The following SLC22A24 variants were observed in gnomAD, a reference collection of about 807,000 sequenced individuals.
SLC22A24 encodes the protein solute carrier family 22 member 24, also known as steroid transmembrane transporter SLC22A24.
SLC22A24 carries 53 observed loss-of-function variants against 49.8 expected under a neutral mutation model. The ratio of observed to expected loss-of-function variants is 1.06; its 90% CI spans 0.85 to 1.34. SLC22A24 has a LOEUF of 1.34. Among genes scored for constraint, SLC22A24 ranks in the 40% most tolerant of loss-of-function variants. The pLI, the probability that SLC22A24 is intolerant of heterozygous loss-of-function variation, is 0.00. For synonymous variants in SLC22A24, 302 were observed against 256.4 expected, an observed-to-expected ratio of 1.18 and a Z score of -1.70; for missense variants, 786 against 675.9, an observed-to-expected ratio of 1.16 and a Z score of -1.81.
At position 63,142,357 on chromosome 11, in the gene SLC22A24, C is replaced by T. The variant is rs151219408; in HGVS notation, c.402+1021G>A. On this transcript the variant is annotated intron_variant, in intron 1 of 9. Coordinates refer to ENST00000612278, the MANE Select transcript of SLC22A24 (RefSeq NM_001136506.2). ...AACCCAAAGGGAGGGATTGAAACTG[C>T]CTTTGCAAAATTATGACTGAGACCG... Among the ~76,000 whole-genome samples, 878 of 152,268 alleles carry T rather than the reference C, an allele frequency of 5.8e-3. 4 individuals are homozygous for T. Among genetic ancestry groups the T allele is most frequent in the South Asian group, 0.011 (51 of 4,826 alleles).
At chr11:63,130,249 A>G (rs1397501398) in intron 2 of SLC22A24, among the ~76,000 whole-genome samples, 2 of 152,080 alleles carry the variant, frequency 1.3e-5, no homozygotes, top group Non-Finnish European at 2.9e-5. Flanking sequence ...GGTTTTTGTC[A>G]TTGGTTCTGT....
intron 1 of SLC22A24, among the ~76,000 whole-genome samples, chr11:63,139,497 C>T (rs909612969): frequency 2.6e-5 from 4 of 152,248 alleles, no homozygotes; most frequent in Admixed American, 2.6e-4. Flanking sequence ...TATGGAGGAA[C>T]ACTTGACTCT....
chr11:63,115,422 A>G (rs946203825), intron 4 of SLC22A24, among the ~76,000 whole-genome samples: 1 of 152,206 alleles, frequency 6.6e-6, no homozygotes, highest in Admixed American at 6.5e-5. Flanking sequence ...CCTTGGGAAA[A>G]GCACAGTATT....
chr11:63,104,597 A>T (rs183932560), intron 4 of SLC22A24, among the ~76,000 whole-genome samples: 2 of 152,180 alleles, frequency 1.3e-5, no homozygotes, highest in African/African-American at 4.8e-5. Flanking sequence ...TAATGAACTC[A>T]TAGTTCCACA....
chr11:63,113,045 T>TACACATATATATATACAC, intron 4 of SLC22A24, among the ~76,000 whole-genome samples: 1 of 6,768 alleles, frequency 1.5e-4, no homozygotes, highest in African/African-American at 2.2e-4. Flanking sequence ...AATATATATA[T>TACACATATATATATACAC]ATATATATAC....
At chr11:63,091,422 T>G (rs2087019860) in intron 6 of SLC22A24, among the ~76,000 whole-genome samples, 1 of 152,196 alleles carries the variant, frequency 6.6e-6, no homozygotes, top group Non-Finnish European at 1.5e-5. Flanking sequence ...AGCATCTTCC[T>G]GATACCAAAA....
At chr11:63,121,116 T>C (rs368535072) in intron 2 of SLC22A24, among the ~76,000 whole-genome samples, 2 of 152,140 alleles carry the variant, frequency 1.3e-5, no homozygotes, top group East Asian at 3.9e-4. Flanking sequence ...ACACAAACAC[T>C]GAGCCCTAAG....
intron 2 of SLC22A24, among the ~76,000 whole-genome samples, chr11:63,120,037 G>A (rs1249501989): frequency 6.6e-6 from 1 of 151,588 alleles, no homozygotes; most frequent in Non-Finnish European, 1.5e-5. Context: ...TGTCAGATGA[G>A]TAGGTTGTGA....
chr11:63,087,477 A>G (rs1475348203), intron 6 of SLC22A24, among the ~76,000 whole-genome samples: 1 of 152,202 alleles, frequency 6.6e-6, no homozygotes, highest in African/African-American at 2.4e-5. Flanking sequence ...CTGGGCTTCA[A>G]GCACAAAACT....
chr11:63,110,962 T>C (rs1234463079), intron 4 of SLC22A24, among the ~76,000 whole-genome samples: 2 of 152,074 alleles, frequency 1.3e-5, no homozygotes, highest in Non-Finnish European at 2.9e-5. Flanking sequence ...TTTTGCCCAC[T>C]CAGTATGATA....
chr11:63,096,912 G>C (rs180725574), intron 5 of SLC22A24, among the ~76,000 whole-genome samples: 2 of 152,050 alleles, frequency 1.3e-5, no homozygotes, highest in Middle Eastern at 6.8e-3. Context: ...TGAATTTAGC[G>C]TTTCTTTCAT....
At chr11:63,085,755 G>A (rs1428556265) in intron 6 of SLC22A24, among the ~76,000 whole-genome samples, 2 of 152,182 alleles carry the variant, frequency 1.3e-5, no homozygotes, top group African/African-American at 2.4e-5. Flanking sequence ...AGGTCATGAC[G>A]ATGAATGGTG....
At chr11:63,133,490 C>T (rs2087351557) in intron 2 of SLC22A24, among the ~76,000 whole-genome samples, 2 of 152,146 alleles carry the variant, frequency 1.3e-5, no homozygotes, top group African/African-American at 4.8e-5. Context: ...TGTCAGATGA[C>T]ATTGAGCATC....
chr11:63,137,910 C>G (rs2087387043), intron 1 of SLC22A24: 1 of 152,164 alleles, frequency 6.6e-6, no homozygotes, highest in African/African-American at 2.4e-5. Context: ...AGTTTCTGGT[C>G]TCTCTCTGTC....
intron 2 of SLC22A24, among the ~76,000 whole-genome samples, chr11:63,125,888 T>C (rs2087286904): frequency 6.6e-6 from 1 of 152,214 alleles, no homozygotes; most frequent in African/African-American, 2.4e-5. Flanking sequence ...TGGTTTTGAT[T>C]TGCATTTCTC....
intron 7 of SLC22A24, among the ~76,000 whole-genome samples, chr11:63,082,256 G>GATTGTAAAACCTAAC (rs2086964361): frequency 6.6e-6 from 1 of 152,118 alleles, no homozygotes; most frequent in Non-Finnish European, 1.5e-5. Flanking sequence ...AATAATTCAG[G>GATTGTAAAACCTAAC]ATTGTAAAAC....
chr11:63,137,472 ACTAT>A (rs2087383649), intron 1 of SLC22A24, among the ~76,000 whole-genome samples: 1 of 152,148 alleles, frequency 6.6e-6, no homozygotes, highest in African/African-American at 2.4e-5. Flanking sequence ...TCTCATGGTA[ACTAT>A]CTGCTCTTTG....
At chr11:63,101,832 A>C (rs1290469325) in intron 5 of SLC22A24, among the ~76,000 whole-genome samples, 1 of 152,130 alleles carries the variant, frequency 6.6e-6, no homozygotes, top group Non-Finnish European at 1.5e-5. Flanking sequence ...AATAAGCCGG[A>C]CACAGAAAGA....
At chr11:63,139,835 A>G (rs1480567341) in intron 1 of SLC22A24, among the ~76,000 whole-genome samples, 1 of 152,192 alleles carries the variant, frequency 6.6e-6, no homozygotes, top group African/African-American at 2.4e-5. Context: ...CTCTACCTGG[A>G]AGCCAGTAAT....
Sources: gnomAD v4.1 joint callset for allele counts (sites outside exome capture counted in the v4.1 genomes callset) on GRCh38, gnomAD v4.1.1 for gene constraint, MANE v1.5 for transcripts, NCBI Gene and HGNC (gene_info 2026-07-23, HGNC 2026-07-21) for gene names.